PDE6C: variants seen among roughly 807,000 people sequenced by gnomAD.
PDE6C encodes cone cGMP-specific 3',5'-cyclic phosphodiesterase subunit alpha'.
PDE6C carries 75 observed loss-of-function variants against 113.1 expected under a neutral mutation model. That is an observed-to-expected ratio of 0.66 (90% CI 0.55 to 0.80). The LOEUF is 0.80. Ranked by LOEUF, PDE6C falls within the 30% of genes least tolerant of loss-of-function variation. The pLI, the probability that PDE6C is intolerant of heterozygous loss-of-function variation, is 0.00. For missense variants in PDE6C, 912 were observed against 1,038.6 expected (o/e 0.88, Z 1.67); for synonymous variants, 375 against 363.7 (o/e 1.03, Z -0.35).
chr10:93,661,361 GTTC>G (rs1381379354), intron 18 of PDE6C, among the ~76,000 whole-genome samples: 1 of 152,078 alleles, frequency 6.6e-6, no homozygotes, highest in Admixed American at 6.6e-5. Flanking sequence ...AATTACTCTT[GTTC>G]TTCACAATAC....
intron 16 of PDE6C, among the ~76,000 whole-genome samples, chr10:93,658,669 C>CCTCTCTCT (rs56029704): frequency 3.5e-5 from 5 of 143,824 alleles, no homozygotes; most frequent in African/African-American, 1.3e-4. Context: ...TTTGTTTTTC[C>CCTCTCTCT]CTCTCTCTCT....
intron 16 of PDE6C, among the ~76,000 whole-genome samples, chr10:93,657,751 TATGA>T (rs2058645627): frequency 6.6e-6 from 1 of 152,220 alleles, no homozygotes; most frequent in African/African-American, 2.4e-5. Flanking sequence ...TGTATATATA[TATGA>T]GAGTTTCTCT....
At chr10:93,615,030 G>A (rs906422402) in intron 1 of PDE6C, among the ~76,000 whole-genome samples, 2 of 152,194 alleles carry the variant, frequency 1.3e-5, no homozygotes, top group Non-Finnish European at 2.9e-5. Flanking sequence ...AGTGGCTCAC[G>A]CCTGTAATCC....
At chr10:93,636,694 A>G (rs1282871035) in intron 10 of PDE6C, among the ~76,000 whole-genome samples, 1 of 152,146 alleles carries the variant, frequency 6.6e-6, no homozygotes, top group Non-Finnish European at 1.5e-5. Flanking sequence ...AGTCTTCATA[A>G]TCAGGTGCTA....
At chr10:93,653,781 A>G in intron 15 of PDE6C, among the ~76,000 whole-genome samples, 1 of 152,336 alleles carries the variant, frequency 6.6e-6, no homozygotes, top group Middle Eastern at 3.4e-3. Flanking sequence ...AAGTTTAACT[A>G]TAGTTGCTAT....
chr10:93,654,811 T>C (rs1213127907), intron 15 of PDE6C, among the ~76,000 whole-genome samples: 1 of 68,244 alleles, frequency 1.5e-5, no homozygotes, highest in Non-Finnish European at 3.6e-5. Context: ...TCTTTCTTTC[T>C]TTTTTTTTTT....
At chr10:93,640,357 C>T in intron 12 of PDE6C, 93 bp from the exon 13 acceptor site, 1 of 1,250,142 alleles carries the variant, frequency 8.0e-7, no homozygotes, top group Non-Finnish European at 1.2e-6. Context: ...CCCCTATCTA[C>T]AAGACCAACA....
At chr10:93,616,573 C>T (rs947586455) in intron 1 of PDE6C, among the ~76,000 whole-genome samples, 1 of 150,924 alleles carries the variant, frequency 6.6e-6, no homozygotes, top group African/African-American at 2.4e-5. Flanking sequence ...TGCCAGTAGG[C>T]GTTTAGGAGC....
chr10:93,626,990 C>T (rs777109913), intron 7 of PDE6C, 119 bp downstream of exon 7: 144 of 886,882 alleles, frequency 1.6e-4, no homozygotes, highest in African/African-American at 3.1e-4. Flanking sequence ...GGGCCGGGCG[C>T]GGTGGCTCAT....
chr10:93,651,761 T>C (rs2058610480), intron 15 of PDE6C, among the ~76,000 whole-genome samples: 1 of 152,236 alleles, frequency 6.6e-6, no homozygotes, highest in South Asian at 2.1e-4. Flanking sequence ...CCTTCACTTC[T>C]TGTTACCTAT....
At chr10:93,660,933 C>T (rs1478257230) in intron 18 of PDE6C, among the ~76,000 whole-genome samples, 1 of 152,118 alleles carries the variant, frequency 6.6e-6, no homozygotes, top group Non-Finnish European at 1.5e-5. Context: ...CTCAACTCAG[C>T]CATTCTACTC....
chr10:93,618,919 GC>G (rs1186932595), intron 1 of PDE6C, among the ~76,000 whole-genome samples: 7 of 152,156 alleles, frequency 4.6e-5, no homozygotes, highest in Non-Finnish European at 1.0e-4. Flanking sequence ...GGTTTGTGCT[GC>G]TTTTAGAAGC....
chr10:93,649,055 G>A (rs1589702362), intron 15 of PDE6C, among the ~76,000 whole-genome samples: 2 of 152,128 alleles, frequency 1.3e-5, no homozygotes, highest in African/African-American at 2.4e-5. Flanking sequence ...CAGCTAGCTC[G>A]AGAGCCACGA....
At chr10:93,654,896 T>C (rs2058629410) in intron 15 of PDE6C, among the ~76,000 whole-genome samples, 1 of 150,690 alleles carries the variant, frequency 6.6e-6, no homozygotes, top group Non-Finnish European at 1.5e-5. Flanking sequence ...CAACCTCCAG[T>C]CCCCAGCGTT....
intron 1 of PDE6C, 129 bp downstream of exon 1, chr10:93,613,334 G>A (rs2058402188): frequency 7.6e-7 from 1 of 1,323,102 alleles, no homozygotes; most frequent in African/African-American, 1.4e-5. Context: ...TGGCAGGGAA[G>A]AGGATCACCC....
At chr10:93,637,275 G>A (rs1393467543) in intron 11 of PDE6C, among the ~76,000 whole-genome samples, 1 of 152,096 alleles carries the variant, frequency 6.6e-6, no homozygotes, top group Non-Finnish European at 1.5e-5. Flanking sequence ...AATTCATACA[G>A]ATAATTTACA....
chr10:93,613,585 G>A (rs1249809353), intron 1 of PDE6C, among the ~76,000 whole-genome samples: 1 of 152,134 alleles, frequency 6.6e-6, no homozygotes, highest in African/African-American at 2.4e-5. Flanking sequence ...ACCCCACTAG[G>A]GAGATGGGCC....
At chr10:93,661,950 A>C in intron 18 of PDE6C, 109 bp from the exon 19 acceptor site, 1 of 768,838 alleles carries the variant, frequency 1.3e-6, no homozygotes, top group South Asian at 1.4e-5. Context: ...GTTTGATAGC[A>C]CCTCAAACAT....
chr10:93,613,978 A>C (rs993839996), intron 1 of PDE6C, among the ~76,000 whole-genome samples: 1 of 152,220 alleles, frequency 6.6e-6, no homozygotes, highest in African/African-American at 2.4e-5. Context: ...ATTAGAGTAC[A>C]TGTTCATTTT....
Sources: gnomAD v4.1 joint callset for allele counts (sites outside exome capture counted in the v4.1 genomes callset) on GRCh38, gnomAD v4.1.1 for gene constraint, MANE v1.5 for transcripts, NCBI Gene and HGNC (gene_info 2026-07-23, HGNC 2026-07-21) for gene names.